The following PTPRJ variants were observed in gnomAD, a reference collection of about 807,000 sequenced individuals.
PTPRJ encodes the protein receptor-type tyrosine-protein phosphatase eta.
PTPRJ carries 129 observed loss-of-function variants against 141.3 expected under a neutral mutation model. The observed-to-expected ratio is 0.91, with a 90% CI of 0.79 to 1.06. The LOEUF (loss-of-function observed/expected upper bound fraction) is 1.06. Among genes scored for constraint, PTPRJ ranks in the 50% least tolerant of loss-of-function variants. PTPRJ has a pLI of 0.00. For synonymous variants in PTPRJ, 610 were observed against 640.5 expected (o/e 0.95, Z 0.72); for missense variants, 1,601 against 1,679.7 (o/e 0.95, Z 0.82).
intron 8 of PTPRJ, among the ~76,000 whole-genome samples, chr11:48,133,136 TATC>T (rs1182131748): frequency 1.3e-5 from 2 of 152,196 alleles, no homozygotes; most frequent in Non-Finnish European, 2.9e-5. Context: ...CAGGTATTAT[TATC>T]ATTTCTGTCT....
intron 1 of PTPRJ, among the ~76,000 whole-genome samples, chr11:48,032,127 A>G (rs1394487254): frequency 6.6e-6 from 1 of 152,152 alleles, no homozygotes; most frequent in African/African-American, 2.4e-5. Flanking sequence ...AGCTGGCTAC[A>G]TGGGGCTGGT....
chr11:48,111,419 T>TA (rs1856438989), intron 2 of PTPRJ, among the ~76,000 whole-genome samples: 1 of 151,112 alleles, frequency 6.6e-6, no homozygotes. Context: ...TCCTGATTGG[T>TA]AAAATCTCAG....
intron 1 of PTPRJ, among the ~76,000 whole-genome samples, chr11:48,047,590 G>A (rs2134243224): frequency 6.6e-6 from 1 of 151,186 alleles, no homozygotes. Context: ...TGCAACCTCT[G>A]CCTCCCGGTT....
At position 48,125,189 on chromosome 11, in the gene PTPRJ, A is replaced by T. The variant is rs1856806285; in HGVS notation, c.1093+3A>T. ...CCAGGCCATAGAGTTCAGGACAAGT[A>T]GGTTGAACTTTGTAAAATGGTGGCA... On this transcript the variant is annotated splice_donor_region_variant and intron_variant, in intron 6 of 24. Coordinates refer to ENST00000418331, the MANE Select transcript of PTPRJ (RefSeq NM_002843.4). The T allele has an allele frequency of 6.2e-7, 1 of 1,613,068 alleles. No homozygotes were observed. The highest frequency in any genetic ancestry group is 1.3e-5 in the African/African-American group (1 of 74,916).
chr11:48,090,527 G>A (rs866271382), intron 1 of PTPRJ, among the ~76,000 whole-genome samples: 8 of 152,180 alleles, frequency 5.3e-5, no homozygotes, highest in African/African-American at 1.9e-4. Flanking sequence ...CAGCAGGATG[G>A]CACCTCTGTT....
chr11:48,134,142 A>G (rs530601938), intron 8 of PTPRJ, among the ~76,000 whole-genome samples: 2 of 152,304 alleles, frequency 1.3e-5, no homozygotes, highest in East Asian at 3.9e-4. Flanking sequence ...ATGAAAAGGA[A>G]CAAATATCTC....
At chr11:48,140,431 G>C (rs1590550625) in intron 11 of PTPRJ, among the ~76,000 whole-genome samples, 1 of 152,214 alleles carries the variant, frequency 6.6e-6, no homozygotes, top group African/African-American at 2.4e-5. Context: ...ACTGAGAAGA[G>C]CATTGAGAGG....
At chr11:48,001,837 A>G (rs1336099954) in intron 1 of PTPRJ, among the ~76,000 whole-genome samples, 1 of 152,142 alleles carries the variant, frequency 6.6e-6, no homozygotes, top group Non-Finnish European at 1.5e-5. Context: ...AATCATGCCC[A>G]CAGGCCCCGG....
At chr11:48,104,924 A>T in intron 1 of PTPRJ, among the ~76,000 whole-genome samples, 1 of 152,158 alleles carries the variant, frequency 6.6e-6, no homozygotes, top group East Asian at 1.9e-4. Context: ...ATGCTCGGTC[A>T]GGACCTTAAC....
chr11:48,093,802 AAAAAAG>A (rs1855933895), intron 1 of PTPRJ, among the ~76,000 whole-genome samples: 1 of 148,460 alleles, frequency 6.7e-6, no homozygotes, highest in African/African-American at 2.6e-5. Context: ...CTAAAAAAAA[AAAAAAG>A]AAAAAGAAAA....
intron 1 of PTPRJ, among the ~76,000 whole-genome samples, chr11:48,019,723 C>T (rs768443965): frequency 2.0e-5 from 3 of 152,144 alleles, no homozygotes; most frequent in African/African-American, 7.2e-5. Flanking sequence ...GGCATCCAAG[C>T]GTACCCTATC....
intron 1 of PTPRJ, among the ~76,000 whole-genome samples, chr11:48,107,637 CTT>C (rs1312802280): frequency 6.6e-6 from 1 of 152,212 alleles, no homozygotes; most frequent in Non-Finnish European, 1.5e-5. Flanking sequence ...GTACCAGTGA[CTT>C]TGCTGTGAAG....
At chr11:48,042,498 G>A (rs1047713446) in intron 1 of PTPRJ, among the ~76,000 whole-genome samples, 3 of 152,118 alleles carry the variant, frequency 2.0e-5, no homozygotes, top group Non-Finnish European at 4.4e-5. Context: ...TCTGTCTTTT[G>A]AGTTTGGAAA....
chr11:48,136,400 C>A, intron 9 of PTPRJ, 104 bp downstream of exon 9: 1 of 1,377,846 alleles, frequency 7.3e-7, no homozygotes, highest in Non-Finnish European at 9.9e-7. Flanking sequence ...TCCAGGTTGA[C>A]TCTGAAACTG....
chr11:48,005,574 C>G (rs1422260496), intron 1 of PTPRJ, among the ~76,000 whole-genome samples: 1 of 152,138 alleles, frequency 6.6e-6, no homozygotes. Flanking sequence ...CAGAGAGATA[C>G]CATGTTTTGT....
intron 1 of PTPRJ, among the ~76,000 whole-genome samples, chr11:48,063,945 T>TG (rs59919062): frequency 2.0e-4 from 30 of 151,206 alleles, no homozygotes; most frequent in African/African-American, 6.1e-4. Context: ...TGTGTGTGTG[T>TG]TTTTAAAAAG....
intron 15 of PTPRJ, among the ~76,000 whole-genome samples, chr11:48,149,243 C>A (rs984038759): frequency 7.2e-5 from 11 of 152,066 alleles, no homozygotes; most frequent in African/African-American, 2.7e-4. Context: ...AAGAAAATAA[C>A]TTCACAAATT....
Position 48,137,195 on chromosome 11 carries a change from C to G in PTPRJ, c.2066C>G (p.Pro689Arg), listed in dbSNP as rs761097987. 1 of 1,613,672 alleles carries G rather than the reference C, an allele frequency of 6.2e-7. No homozygotes were observed. Among genetic ancestry groups the G allele is most frequent in the Admixed American group, 1.7e-5 (1 of 60,030 alleles). ...GACGCTACAGTCACTGAATTAATAC[C>G]TGGCTCATCATACACAGTGGAGATC... ...ITDATVTELI[P>R]GSSYTVEIFA... The change falls in exon 10 of 25, where the codon CCT (proline) becomes CGT (arginine). Residue 689 changes from proline (P) to arginine (R), a missense_variant. Transcript: ENST00000418331.
chr11:48,153,557 G>A (rs1385338303), intron 18 of PTPRJ, among the ~76,000 whole-genome samples: 1 of 150,688 alleles, frequency 6.6e-6, no homozygotes, highest in Non-Finnish European at 1.5e-5. Context: ...GGCATCTGGT[G>A]CAGTGATCTG....
Sources: allele counts gnomAD v4.1 joint callset (sites outside exome capture counted in the v4.1 genomes callset), GRCh38; gene constraint gnomAD v4.1.1; transcripts MANE v1.5; gene names NCBI Gene and HGNC (gene_info 2026-07-23, HGNC 2026-07-21).